SPSB1: variants seen among roughly 807,000 people sequenced by gnomAD.
SPSB1 encodes splA/ryanodine receptor domain and SOCS box containing 1.
Under a neutral mutation model 21.2 loss-of-function variants are expected in SPSB1, and 8 were observed. The ratio of observed to expected loss-of-function variants is 0.38; its 90% confidence interval spans 0.22 to 0.68. The LOEUF is 0.68. SPSB1 is among the 30% of genes least tolerant of loss of function. The pLI is 0.53. For synonymous variants in SPSB1, 169 were observed against 161.7 expected, an observed-to-expected ratio of 1.05 and a Z score of -0.34; for missense variants, 242 against 377.8, an observed-to-expected ratio of 0.64 and a Z score of 2.98.
At chr1:9,315,217 C>G (rs984902615) in intron 1 of SPSB1, among the ~76,000 whole-genome samples, 2 of 152,198 alleles carry the variant, frequency 1.3e-5, no homozygotes, top group Non-Finnish European at 2.9e-5. Flanking sequence ...TGCCGCATCA[C>G]GGACAAAGCA....
At position 9,367,823 on chromosome 1, in the gene SPSB1, C is replaced by G. The variant is rs1640604211; in HGVS notation, c.*248C>G. Reference sequence around the variant, plus strand: ...TGCATGCCGTCCGTATACAACCCCTCTTTGAAAAAAGACACAGAGAATAAA... The same window carrying G: ...TGCATGCCGTCCGTATACAACCCCTGTTTGAAAAAAGACACAGAGAATAAA... On this transcript the variant is annotated 3_prime_UTR_variant, in exon 3 of 3. Transcript: ENST00000328089. The surrounding 1 kb of genome is among the most constrained non-coding windows in gnomAD (Gnocchi z 5.9). 3.6e-6 allele frequency: 2 copies of G among 550,542 alleles called. No individual in the cohort carries two copies. The allele number at this position is 550,542 out of a possible 1,614,324, so 34.1% of individuals were successfully genotyped here. A position where few individuals can be genotyped will look rare whatever the true frequency, so the allele number is the denominator to read the frequency against.
At chr1:9,336,877 G>A (rs942446915) in intron 1 of SPSB1, among the ~76,000 whole-genome samples, 1 of 152,166 alleles carries the variant, frequency 6.6e-6, no homozygotes, top group Admixed American at 6.5e-5. Flanking sequence ...AGACCCAGGC[G>A]GGTACGGGTG....
chr1:9,365,005 C>T (rs1189014802), intron 2 of SPSB1, among the ~76,000 whole-genome samples: 2 of 152,140 alleles, frequency 1.3e-5, no homozygotes, highest in Non-Finnish European at 2.9e-5. Context: ...GCCCATGCCA[C>T]CATGCCTGGC....
intron 1 of SPSB1, among the ~76,000 whole-genome samples, chr1:9,294,993 CA>C (rs1275203800): frequency 6.6e-6 from 1 of 152,182 alleles, no homozygotes; most frequent in African/African-American, 2.4e-5. Flanking sequence ...ACCCAGACTG[CA>C]CAGCCAGGGC....
intron 1 of SPSB1, among the ~76,000 whole-genome samples, chr1:9,311,027 A>G (rs899260816): frequency 3.3e-5 from 5 of 152,092 alleles, no homozygotes; most frequent in South Asian, 2.1e-4. Context: ...ATTGTATCCT[A>G]TCGGGCCAAT....
At position 9,355,794 on chromosome 1, in the gene SPSB1, G is replaced by A; in HGVS notation, c.-98G>A. 1 of 1,495,798 alleles carries A rather than the reference G, an allele frequency of 6.7e-7. No individual in the cohort carries two copies. Among genetic ancestry groups the A allele is most frequent in the Non-Finnish European group, 8.9e-7 (1 of 1,123,628 alleles). 92.7% of individuals were successfully genotyped at this position (1,495,798 alleles called of 1,614,324 possible). ...AGAGGTCTCCTGGCAGCCCTCATTAGGAATTCTGTCTGGCCCCGATCAGAA... is the reference window on the plus strand; with the variant it reads ...AGAGGTCTCCTGGCAGCCCTCATTAAGAATTCTGTCTGGCCCCGATCAGAA... On this transcript the variant is annotated 5_prime_UTR_variant, in exon 2 of 3. Transcript: ENST00000328089.
chr1:9,361,412 C>T (rs980670894), intron 2 of SPSB1, among the ~76,000 whole-genome samples: 3 of 152,018 alleles, frequency 2.0e-5, no homozygotes, highest in African/African-American at 7.3e-5. Flanking sequence ...GTGTCCCCAC[C>T]ACCCCTGGAT....
In SPSB1 at chr1:9,367,076, G is replaced by A. The variant is rs139337729; in HGVS notation, c.695-372G>A. Among the ~76,000 whole-genome samples the A allele has an allele frequency of 2.0e-3, 307 of 152,324 alleles. 1 individual carries two copies. The highest frequency in any genetic ancestry group is 7.2e-3 in the African/African-American group (300 of 41,570). On this transcript the variant is annotated intron_variant, in intron 2 of 2. Transcript: ENST00000328089. This position sits in a 1 kb window ranked among gnomAD's most constrained non-coding sequence, Gnocchi z 5.9. ...GGAAGAGCAGGGATCGCCTGGGTTC[G>A]AATCCTAGCTGCATCTCCTGCCAGC...
chr1:9,300,150 G>T (rs1639303991), intron 1 of SPSB1, among the ~76,000 whole-genome samples: 1 of 152,118 alleles, frequency 6.6e-6, no homozygotes, highest in Non-Finnish European at 1.5e-5. Context: ...ATTTCTCGGG[G>T]TCCAGTAGTG....
intron 1 of SPSB1, among the ~76,000 whole-genome samples, chr1:9,296,122 G>A (rs1277445269): frequency 6.6e-6 from 1 of 152,122 alleles, no homozygotes; most frequent in Non-Finnish European, 1.5e-5. Context: ...AGTGCTTTAT[G>A]GACGTGACTT....
chr1:9,307,285 A>G (rs567740691), intron 1 of SPSB1, among the ~76,000 whole-genome samples: 34 of 152,284 alleles, frequency 2.2e-4, no homozygotes, highest in Middle Eastern at 3.4e-3. Context: ...TTTAAAGTGA[A>G]CAGATCAGTG....
At chr1:9,344,168 G>C (rs1640134579) in intron 1 of SPSB1, among the ~76,000 whole-genome samples, 1 of 152,148 alleles carries the variant, frequency 6.6e-6, no homozygotes, top group South Asian at 2.1e-4. Flanking sequence ...CTAAACTGTT[G>C]AGCCATAATT....
At chr1:9,327,473 G>A (rs1163091726) in intron 1 of SPSB1, among the ~76,000 whole-genome samples, 2 of 152,292 alleles carry the variant, frequency 1.3e-5, no homozygotes, top group South Asian at 2.1e-4. Context: ...AGGAAAGGCT[G>A]TGCCATGGGG....
At chr1:9,318,842 A>C (rs778146891) in intron 1 of SPSB1, among the ~76,000 whole-genome samples, 4 of 152,170 alleles carry the variant, frequency 2.6e-5, no homozygotes, top group Admixed American at 6.6e-5. Flanking sequence ...TGGTGATTGT[A>C]ACACAGGGTG....
intron 2 of SPSB1, among the ~76,000 whole-genome samples, chr1:9,364,532 C>T (rs1187516286): frequency 6.6e-6 from 1 of 152,192 alleles, no homozygotes; most frequent in Non-Finnish European, 1.5e-5. Context: ...AAACCCAACC[C>T]TGTGAGGAGC....
chr1:9,314,884 G>A (rs535263137), intron 1 of SPSB1, among the ~76,000 whole-genome samples: 36 of 152,320 alleles, frequency 2.4e-4, no homozygotes, highest in African/African-American at 7.9e-4. Flanking sequence ...TCCAGGGCAG[G>A]GAGAGGACTG....
At chr1:9,361,467 T>A (rs1045822298) in intron 2 of SPSB1, among the ~76,000 whole-genome samples, 28 of 152,136 alleles carry the variant, frequency 1.8e-4, no homozygotes, top group African/African-American at 5.8e-4. Flanking sequence ...GCTCCAGCAG[T>A]TTGCCTGCGT....
At chr1:9,334,964 T>C (rs1385788234) in intron 1 of SPSB1, among the ~76,000 whole-genome samples, 2 of 152,236 alleles carry the variant, frequency 1.3e-5, no homozygotes, top group Non-Finnish European at 2.9e-5. Context: ...GCGGGTTGCT[T>C]GCACCTTTTG....
rs994221007 is a variant in SPSB1, at chr1:9,324,521, C to T, written c.-149-31222C>T. ...CTCGGAGGGCTGTGGGCCCGGGACT[C>T]GGTGTGTCCGATGAGGAAACCAGCT... On this transcript the variant is annotated intron_variant, in intron 1 of 2. Coordinates refer to ENST00000328089, the MANE Select transcript of SPSB1 (RefSeq NM_025106.4). This position sits in a 1 kb window ranked among gnomAD's most constrained non-coding sequence, Gnocchi z 4.3. Among the ~76,000 whole-genome samples the T allele has an allele frequency of 2.0e-5, 3 of 152,012 alleles. No homozygotes were observed. Among genetic ancestry groups the T allele is most frequent in the African/African-American group, 4.8e-5 (2 of 41,380 alleles).
Sources: gnomAD v4.1 joint callset for allele counts (sites outside exome capture counted in the v4.1 genomes callset) on GRCh38, gnomAD v4.1.1 for gene constraint, Gnocchi (gnomAD v3.1) non-coding constraint, MANE v1.5 for transcripts, NCBI Gene and HGNC (gene_info 2026-07-23, HGNC 2026-07-21) for gene names.